DAB1: variants seen among roughly 807,000 people sequenced by gnomAD.
The protein encoded by DAB1 is disabled homolog 1.
DAB1 carries 15 observed loss-of-function variants against 64.6 expected under a neutral mutation model. That is an observed-to-expected ratio of 0.23 (90% confidence interval 0.16 to 0.36). The LOEUF is 0.36. DAB1 is among the 10% of genes least tolerant of loss of function. The probability of loss-of-function intolerance (pLI) is 1.00; values close to 1 mark genes in which losing one functional copy is unlikely to be tolerated. For synonymous variants in DAB1, 235 were observed against 251.9 expected, an observed-to-expected ratio of 0.93 and a Z score of 0.64; for missense variants, 596 against 706.7, an observed-to-expected ratio of 0.84 and a Z score of 1.78.
At chr1:57,983,681 C>T (rs1307300004) in intron 5 of DAB1, among the ~76,000 whole-genome samples, 2 of 152,178 alleles carry the variant, frequency 1.3e-5, no homozygotes, top group African/African-American at 4.8e-5. Flanking sequence ...ACTGGTCCCA[C>T]GTCAGCAACT....
At chr1:57,034,040 G>A (rs1050279310) in intron 9 of DAB1, among the ~76,000 whole-genome samples, 12 of 152,082 alleles carry the variant, frequency 7.9e-5, no homozygotes, top group Non-Finnish European at 7.4e-5. Flanking sequence ...CCAGCACTTT[G>A]GGAGGCCGAG....
chr1:57,122,502 ACT>A (rs1656754307), intron 4 of DAB1, among the ~76,000 whole-genome samples: 1 of 152,250 alleles, frequency 6.6e-6, no homozygotes, highest in South Asian at 2.1e-4. Context: ...TTCAGAAAAT[ACT>A]CTGAGGTTAG....
chr1:58,236,979 C>T (rs574949735), intron 4 of DAB1, among the ~76,000 whole-genome samples: 3 of 152,280 alleles, frequency 2.0e-5, no homozygotes, highest in African/African-American at 7.2e-5. Flanking sequence ...GGTCCTTGGT[C>T]CTTATACTCC....
chr1:57,455,831 G>A (rs1686570351), intron 7 of DAB1, among the ~76,000 whole-genome samples: 1 of 152,126 alleles, frequency 6.6e-6, no homozygotes, highest in Non-Finnish European at 1.5e-5. Context: ...AGAACTTAGA[G>A]TTGGAAGAAA....
intron 4 of DAB1, among the ~76,000 whole-genome samples, chr1:58,284,467 A>G (rs1209995355): frequency 1.3e-4 from 20 of 152,238 alleles, no homozygotes. Flanking sequence ...CCAGTCACAC[A>G]GAGCCACATG....
chr1:57,110,104 C>A (rs563670), intron 4 of DAB1, among the ~76,000 whole-genome samples: 1 of 151,922 alleles, frequency 6.6e-6, no homozygotes, highest in Non-Finnish European at 1.5e-5. Flanking sequence ...GTAAAGTGGC[C>A]ACATGTGTCT....
chr1:58,229,098 C>A, intron 4 of DAB1: 1 of 239,300 alleles, frequency 4.2e-6, no homozygotes, highest in South Asian at 6.4e-5. Context: ...TCCTCGGTAC[C>A]TGGTACTACA....
intron 4 of DAB1, among the ~76,000 whole-genome samples, chr1:57,096,234 T>C (rs1654154615): frequency 6.6e-6 from 1 of 152,154 alleles, no homozygotes; most frequent in Non-Finnish European, 1.5e-5. Flanking sequence ...GAGCCGGTGG[T>C]TTTTTTCAAA....
chr1:57,776,106 T>C (rs549996587), intron 6 of DAB1, among the ~76,000 whole-genome samples: 9 of 151,828 alleles, frequency 5.9e-5, no homozygotes, highest in Admixed American at 2.6e-4. Flanking sequence ...GTTGAAAGTG[T>C]GTTTCTTGCA....
chr1:57,225,960 C>A (rs1667232279), intron 2 of DAB1, among the ~76,000 whole-genome samples: 1 of 152,140 alleles, frequency 6.6e-6, no homozygotes, highest in African/African-American at 2.4e-5. Context: ...GACATTCCCA[C>A]AACAATGGGT....
intron 7 of DAB1, among the ~76,000 whole-genome samples, chr1:57,602,848 G>A (rs937808449): frequency 2.6e-5 from 4 of 152,108 alleles, no homozygotes; most frequent in Non-Finnish European, 5.9e-5. Context: ...CATCTTCAAC[G>A]TTAGTCCTTC....
At chr1:58,322,175 C>T (rs113303047) in intron 4 of DAB1, among the ~76,000 whole-genome samples, 3,825 of 152,258 alleles carry the variant, frequency 0.025, 179 homozygotes, top group African/African-American at 0.086. Flanking sequence ...AAGACATAGG[C>T]ATGGGCAAAG....
chr1:58,190,023 G>A (rs576655384), intron 4 of DAB1, among the ~76,000 whole-genome samples: 1 of 152,256 alleles, frequency 6.6e-6, no homozygotes, highest in East Asian at 1.9e-4. Flanking sequence ...TAAGGTAGTA[G>A]TATTTGTAAG....
chr1:58,187,271 C>T (rs1185958648), intron 4 of DAB1, among the ~76,000 whole-genome samples: 1 of 143,522 alleles, frequency 7.0e-6, no homozygotes, highest in Non-Finnish European at 1.5e-5. Flanking sequence ...CCAGCCTGGA[C>T]ACCAAAGGAA....
intron 5 of DAB1, among the ~76,000 whole-genome samples, chr1:58,039,966 C>G (rs1647109595): frequency 6.6e-6 from 1 of 151,970 alleles, no homozygotes; most frequent in African/African-American, 2.4e-5. Flanking sequence ...GCAAAACTAG[C>G]AAAAAAATAT....
intron 2 of DAB1, among the ~76,000 whole-genome samples, chr1:57,276,223 T>G (rs1671449159): frequency 6.6e-6 from 1 of 152,220 alleles, no homozygotes; most frequent in Non-Finnish European, 1.5e-5. Context: ...CTGTTCTCAC[T>G]CATCGCCAGG....
chr1:57,290,988 C>G lies in DAB1; in HGVS notation c.43G>C (p.Ala15Pro). 1 of 1,611,034 alleles carries G rather than the reference C, an allele frequency of 6.2e-7. No individual in the cohort carries two copies. The highest frequency in any genetic ancestry group is 8.5e-7 in the Non-Finnish European group (1 of 1,178,544). ...CCTTTCTTTCTGGAGTCTTTCTTGGCGCTGGTTTTCACAGCTACTTGAAGT... is the reference window on the plus strand; with the variant it reads ...CCTTTCTTTCTGGAGTCTTTCTTGGGGCTGGTTTTCACAGCTACTTGAAGT... The part of the protein sequence containing the change: ...TELQVAVKTS[A>P]KKDSRKKGQD... Residue 15 changes from alanine (A) to proline (P), a missense_variant, in exon 2 of 15, where the codon GCC becomes CCC. Physicochemically the swap from Ala to Pro is conservative, Grantham distance 27. Transcript: ENST00000371236.
At chr1:58,238,989 T>A (rs1300093548) in intron 4 of DAB1, among the ~76,000 whole-genome samples, 3 of 152,190 alleles carry the variant, frequency 2.0e-5, no homozygotes, top group Non-Finnish European at 4.4e-5. Context: ...GATCCTTCTG[T>A]CTGTCCCTAG....
chr1:58,437,357 GA>G (rs1260309453), intron 3 of DAB1, among the ~76,000 whole-genome samples: 6 of 152,260 alleles, frequency 3.9e-5, no homozygotes, highest in Admixed American at 3.9e-4. Context: ...GAGGAAGGGA[GA>G]GAAGAAAAGG....
Sources: allele counts gnomAD v4.1 joint callset (sites outside exome capture counted in the v4.1 genomes callset), GRCh38; gene constraint gnomAD v4.1.1; transcripts MANE v1.5; gene names NCBI Gene and HGNC (gene_info 2026-07-23, HGNC 2026-07-21).